Variants in SYCP1 observed in about 807,000 individuals in gnomAD.
The protein encoded by SYCP1 is cancer/testis antigen 8.
In SYCP1, 64 loss-of-function variants were observed where a neutral mutation model predicts 153.1. The observed-to-expected ratio is 0.42, with a 90% CI of 0.34 to 0.51. The LOEUF (loss-of-function observed/expected upper bound fraction) is 0.51. Ranked by LOEUF, SYCP1 falls within the 20% of genes least tolerant of loss-of-function variation. SYCP1 has a pLI of 0.06. For missense variants in SYCP1, 997 were observed against 1,049.0 expected (o/e 0.95, Z 0.68); for synonymous variants, 384 against 341.8 (o/e 1.12, Z -1.36).
chr1:114,881,031 T>C (rs1665880541), intron 12 of SYCP1, among the ~76,000 whole-genome samples: 1 of 148,456 alleles, frequency 6.7e-6, no homozygotes, highest in Non-Finnish European at 1.5e-5. Flanking sequence ...TTCTTATGGC[T>C]GAACAGTATT....
Position 114,874,526 on chromosome 1 carries a change from A to G in SYCP1, c.619A>G (p.Thr207Ala), listed in dbSNP as rs1665382738. Reference sequence around the variant, plus strand: ...AATAGATGAATATGAACGGGAAGAAACCAGGCAAGTTTATATGGATCTAAA... The same window carrying G: ...AATAGATGAATATGAACGGGAAGAAGCCAGGCAAGTTTATATGGATCTAAA... ...TKKYEYEREE[T>A]RQVYMDLNNN... Residue 207 changes from threonine (T) to alanine (A), a missense_variant, in exon 9 of 32, where the codon ACC becomes GCC. Physicochemically the swap from Thr to Ala is moderately conservative, Grantham distance 58. Coordinates refer to ENST00000369522, the MANE Select transcript of SYCP1 (RefSeq NM_003176.4). 6.3e-7 allele frequency: 1 copy of G among 1,576,562 alleles called. No individual in the cohort carries two copies. The highest frequency in any genetic ancestry group is 8.6e-7 in the Non-Finnish European group (1 of 1,158,054).
chr1:114,885,636 T>A lies in SYCP1; in HGVS notation c.1005+7T>A, dbSNP rs1333524343. ...GTCATTACAAAGAAGTGTGGTATGA[T>A]TTAAAAACTCATTAGTGTGTAATAA... On this transcript the variant is annotated splice_region_variant and intron_variant, in intron 13 of 31. Transcript: ENST00000369522. 1 of 1,498,362 alleles carries A rather than the reference T, an allele frequency of 6.7e-7. No individual in the cohort carries two copies. Among genetic ancestry groups the A allele is most frequent in the Non-Finnish European group, 9.1e-7 (1 of 1,096,558 alleles). The allele number at this position is 1,498,362 out of a possible 1,614,324, so 92.8% of individuals were successfully genotyped here.
At chr1:114,894,212 G>A (rs1570717364) in intron 15 of SYCP1, among the ~76,000 whole-genome samples, 1 of 151,896 alleles carries the variant, frequency 6.6e-6, no homozygotes, top group Admixed American at 6.6e-5. Context: ...GTATACGCCA[G>A]GTTTTTCTTT....
At chr1:114,971,929 C>T (rs779411703) in intron 27 of SYCP1, among the ~76,000 whole-genome samples, 86 of 152,020 alleles carry the variant, frequency 5.7e-4, no homozygotes, top group Non-Finnish European at 1.1e-3. Flanking sequence ...CTACTGGCCT[C>T]ATAGAATGAG....
chr1:114,917,645 T>C (rs1216681993), intron 20 of SYCP1, among the ~76,000 whole-genome samples: 1 of 152,152 alleles, frequency 6.6e-6, no homozygotes, highest in Non-Finnish European at 1.5e-5. Flanking sequence ...CCAGTATTTT[T>C]TATTGCCTGA....
At chr1:114,891,242 G>T (rs1204250864) in intron 15 of SYCP1, among the ~76,000 whole-genome samples, 2 of 152,078 alleles carry the variant, frequency 1.3e-5, no homozygotes, top group Non-Finnish European at 2.9e-5. Flanking sequence ...CCTATGTACT[G>T]CTCAGATATA....
Position 114,988,216 on chromosome 1 carries a change from G to A in SYCP1, c.2703+3348G>A, listed in dbSNP as rs185155870. On this transcript the variant is annotated intron_variant, in intron 30 of 31. Transcript: ENST00000369522. Reference sequence around the variant, plus strand: ...AGAAGAGGGAGAGAGGAAGAGGTGGGGGGGTAGACAGAGAGAGAAAAAGAG... The same window carrying A: ...AGAAGAGGGAGAGAGGAAGAGGTGGAGGGGTAGACAGAGAGAGAAAAAGAG... 1.3e-3 allele frequency among the ~76,000 whole-genome samples: 197 copies of A among 151,692 alleles called. 2 individuals are homozygous for A. Among genetic ancestry groups the A allele is most frequent in the African/African-American group, 4.0e-3 (166 of 41,420 alleles).
chr1:114,871,841 C>A (rs936506372), intron 8 of SYCP1, among the ~76,000 whole-genome samples: 1 of 152,206 alleles, frequency 6.6e-6, no homozygotes, highest in Non-Finnish European at 1.5e-5. Context: ...CTGCCTTGGC[C>A]TCCCAAAGTG....
chr1:114,930,630 G>GAA (rs1669563869), intron 23 of SYCP1, among the ~76,000 whole-genome samples: 1 of 151,794 alleles, frequency 6.6e-6, no homozygotes, highest in African/African-American at 2.4e-5. Context: ...ATCTCCTAGA[G>GAA]AAAAATCCAG....
At chr1:114,893,548 T>C (rs1666871181) in intron 15 of SYCP1, among the ~76,000 whole-genome samples, 1 of 152,212 alleles carries the variant, frequency 6.6e-6, no homozygotes, top group Non-Finnish European at 1.5e-5. Context: ...ACACTATACT[T>C]AGTCAAATAT....
intron 28 of SYCP1, 156 bp downstream of exon 28, chr1:114,977,772 G>A (rs944764168): frequency 3.5e-5 from 17 of 486,958 alleles, no homozygotes; most frequent in Non-Finnish European, 5.1e-5. Flanking sequence ...TAATTCAAAA[G>A]CATTTTAGCT....
chr1:114,913,108 T>G lies in SYCP1; in HGVS notation c.1605T>G (p.Ser535Arg). ...LENKELTQET[S>R]DMTLELKNQQ... is the part of the protein sequence containing the mutation. ...ACAAAGAGCTCACACAGGAAACAAG[T>G]GATATGACCCTAGAACTCAAGAATC... The change falls in exon 19 of 32, where the codon AGT becomes AGG. Residue 535 changes from serine (S) to arginine (R), a missense_variant. Physicochemically the swap from Ser to Arg is moderately radical, Grantham distance 110 (BLOSUM62 -1). This residue lies in a region of SYCP1 where 712 missense variants were observed against 682.9 expected (regional missense o/e 1.04). Transcript: ENST00000369522. The G allele has an allele frequency of 6.2e-7, 1 of 1,612,398 alleles. No homozygotes were observed. Among genetic ancestry groups the G allele is most frequent in the Non-Finnish European group, 8.5e-7 (1 of 1,178,940 alleles).
intron 27 of SYCP1, among the ~76,000 whole-genome samples, chr1:114,959,420 T>C (rs1426994000): frequency 4.6e-5 from 7 of 152,158 alleles, no homozygotes; most frequent in Non-Finnish European, 7.4e-5. Flanking sequence ...TATTGAGCTA[T>C]AGTTTTCTGT....
At chr1:114,917,646 T>A (rs559003648) in intron 20 of SYCP1, among the ~76,000 whole-genome samples, 6 of 152,258 alleles carry the variant, frequency 3.9e-5, no homozygotes, top group South Asian at 4.1e-4. Context: ...CAGTATTTTT[T>A]ATTGCCTGAC....
At chr1:114,855,921 T>C (rs2101240211) in intron 2 of SYCP1, among the ~76,000 whole-genome samples, 1 of 152,342 alleles carries the variant, frequency 6.6e-6, no homozygotes, top group Non-Finnish European at 1.5e-5. Context: ...AAATGAGGAC[T>C]ATTTGGACAA....
chr1:114,967,718 G>A (rs1442723759), intron 27 of SYCP1, among the ~76,000 whole-genome samples: 2 of 152,024 alleles, frequency 1.3e-5, no homozygotes, highest in Non-Finnish European at 2.9e-5. Flanking sequence ...ATTTGGTCCT[G>A]TCATTATGAT....
rs1278572031 is a variant in SYCP1 at position 114,949,354 on chromosome 1, G to C, written c.2322+2034G>C. Among the ~76,000 whole-genome samples the C allele has an allele frequency of 3.9e-5, 6 of 152,298 alleles. No homozygotes were observed. In the South Asian group the frequency reaches 1.0e-3, roughly 26 times the overall value. On this transcript the variant is annotated intron_variant, in intron 27 of 31. Coordinates refer to ENST00000369522, the MANE Select transcript of SYCP1 (RefSeq NM_003176.4). ...CTGGATCTGGTCCAGTTCTTATCGG[G>C]AATGCCAGAGCCTCACTAACCTTGA... is the stretch of plus-strand genomic sequence containing the variant.
chr1:114,936,947 A>G (rs1670051383), intron 23 of SYCP1, among the ~76,000 whole-genome samples: 1 of 152,210 alleles, frequency 6.6e-6, no homozygotes, highest in Admixed American at 6.5e-5. Context: ...AAGAATCAAG[A>G]TCATGAAAAT....
chr1:114,865,930 A>G (rs563726991), intron 8 of SYCP1, among the ~76,000 whole-genome samples: 12 of 152,230 alleles, frequency 7.9e-5, no homozygotes, highest in Non-Finnish European at 1.5e-4. Context: ...CGAATCCTAC[A>G]GTACGTAGGC....
Sources: allele counts gnomAD v4.1 joint callset (sites outside exome capture counted in the v4.1 genomes callset), GRCh38; gene constraint gnomAD v4.1.1; regional missense constraint gnomAD v4.1.1; transcripts MANE v1.5; gene names NCBI Gene and HGNC (gene_info 2026-07-23, HGNC 2026-07-21).